Variants in PSD3 observed in about 807,000 individuals in gnomAD.
The protein encoded by PSD3 is pleckstrin and Sec7 domain containing 3.
Under a neutral mutation model 105.5 loss-of-function variants are expected in PSD3, and 49 were observed. The ratio of observed to expected loss-of-function variants is 0.46; its 90% CI spans 0.37 to 0.59. The LOEUF (loss-of-function observed/expected upper bound fraction) is 0.59, where lower values mean the gene tolerates loss of function less well. Among genes scored for constraint, PSD3 ranks in the 20% least tolerant of loss-of-function variants. PSD3 has a pLI of 0.00. For synonymous variants in PSD3, 557 were observed against 457.8 expected (o/e 1.22, Z -2.77); for missense variants, 1,561 against 1,263.8 (o/e 1.24, Z -3.57).
intron 4 of PSD3, among the ~76,000 whole-genome samples, chr8:18,840,442 A>T (rs1476240484): frequency 2.6e-5 from 4 of 152,228 alleles, no homozygotes; most frequent in African/African-American, 9.6e-5. Flanking sequence ...GGGATCTATC[A>T]TGAGCTTTCA....
At chr8:18,584,149 T>C (rs917222890) in intron 12 of PSD3, among the ~76,000 whole-genome samples, 1 of 152,208 alleles carries the variant, frequency 6.6e-6, no homozygotes, top group Non-Finnish European at 1.5e-5. Context: ...TAATAGAAGA[T>C]ACGAGACATT....
intron 1 of PSD3, among the ~76,000 whole-genome samples, chr8:19,068,395 T>C (rs1829146260): frequency 6.6e-6 from 1 of 151,900 alleles, no homozygotes; most frequent in Admixed American, 6.6e-5. Flanking sequence ...GCTTGAGAGA[T>C]CCTCCTGCCC....
intron 9 of PSD3, among the ~76,000 whole-genome samples, chr8:18,735,299 A>G (rs1222382456): frequency 6.6e-6 from 1 of 152,170 alleles, no homozygotes; most frequent in Admixed American, 6.5e-5. Context: ...AGATGAAAAA[A>G]ATTGGGAAAG....
At position 19,083,274 on chromosome 8, in the gene PSD3, G is replaced by C. The variant is rs184118467; in HGVS notation, c.324+932C>G. On this transcript the variant is annotated intron_variant, in intron 1 of 1. Coordinates refer to the PSD3 transcript ENST00000521475. ...AAGAAAGCTGAATGCATAATTTTAA[G>C]TTTTGTCCACCCAATTTGAGAACAG... 1.4e-4 allele frequency among the ~76,000 whole-genome samples: 21 copies of C among 152,334 alleles called. No homozygotes were observed. In the East Asian group the frequency reaches 3.9e-3, roughly 28 times the overall value.
intron 9 of PSD3, among the ~76,000 whole-genome samples, chr8:18,695,475 C>T (rs1375144197): frequency 6.6e-6 from 1 of 152,184 alleles, no homozygotes; most frequent in East Asian, 1.9e-4. Flanking sequence ...TGAAGGATTC[C>T]ATAGAACTGT....
chr8:18,778,179 G>T (rs577395636), intron 8 of PSD3, among the ~76,000 whole-genome samples: 11 of 152,126 alleles, frequency 7.2e-5, no homozygotes, highest in Non-Finnish European at 1.6e-4. Context: ...TGGATCGAAT[G>T]AAATTACTCC....
intron 11 of PSD3, among the ~76,000 whole-genome samples, chr8:18,632,186 T>G (rs1227426269): frequency 6.6e-6 from 1 of 152,056 alleles, no homozygotes; most frequent in African/African-American, 2.4e-5. Context: ...CCCTCCATCC[T>G]TTGTCTCTGG....
At chr8:19,067,498 G>A (rs982724589) in intron 1 of PSD3, among the ~76,000 whole-genome samples, 6 of 152,140 alleles carry the variant, frequency 3.9e-5, no homozygotes, top group South Asian at 2.1e-4. Flanking sequence ...CAAAAAAGTC[G>A]GGATCATAAC....
chr8:18,836,777 T>C lies in PSD3; in HGVS notation c.1634+30897A>G, dbSNP rs1364538034. Reference sequence around the variant, plus strand: ...TGACAATAATTGTTTTTCTGCCTTGTTTAGGAAATAATGACAAGAAAAAAA... The same window carrying C: ...TGACAATAATTGTTTTTCTGCCTTGCTTAGGAAATAATGACAAGAAAAAAA... On this transcript the variant is annotated intron_variant, in intron 4 of 15. Transcript: ENST00000327040. 2.0e-5 allele frequency among the ~76,000 whole-genome samples: 3 copies of C among 152,104 alleles called. No homozygotes were observed. In the East Asian group the frequency reaches 5.8e-4, roughly 29 times the overall value.
At chr8:18,679,142 T>G (rs1800239074) in intron 9 of PSD3, among the ~76,000 whole-genome samples, 1 of 152,344 alleles carries the variant, frequency 6.6e-6, no homozygotes, top group Non-Finnish European at 1.5e-5. Flanking sequence ...AGCCTTAGTC[T>G]AAAGAGCAAA....
In PSD3 at chr8:18,871,691, T is replaced by G; in HGVS notation, c.1173A>C (p.Glu391Asp). The change falls in exon 3 of 16, where the codon GAA (glutamate) becomes GAC (aspartate). Residue 391 changes from glutamate (E) to aspartate (D), a missense_variant. Glu to Asp is a conservative substitution (Grantham distance 45). Transcript: ENST00000327040. ...PVRLDESGED[E>D]VFLQENKQHL... ...GCTGTTTGTTTTCCTGTAGGAAGACTTCATCCTCTCCACTCTCATCAAGAC... is the reference window on the plus strand; with the variant it reads ...GCTGTTTGTTTTCCTGTAGGAAGACGTCATCCTCTCCACTCTCATCAAGAC... The G allele has an allele frequency of 1.9e-6, 3 of 1,614,088 alleles. No individual in the cohort carries two copies. The highest frequency in any genetic ancestry group is 2.2e-5 in the South Asian group (2 of 91,058).
chr8:18,947,321 G>A (rs1010391301), intron 1 of PSD3, among the ~76,000 whole-genome samples: 1 of 152,150 alleles, frequency 6.6e-6, no homozygotes, highest in Non-Finnish European at 1.5e-5. Flanking sequence ...AGCAAGCCTC[G>A]GTCCTCACCC....
chr8:18,733,747 T>G (rs1803940849), intron 9 of PSD3: 1 of 152,646 alleles, frequency 6.6e-6, no homozygotes. Flanking sequence ...GCAATTATCT[T>G]TCTTCCAGCT....
intron 8 of PSD3, among the ~76,000 whole-genome samples, chr8:18,796,576 A>G (rs1302488289): frequency 1.3e-5 from 2 of 152,216 alleles, no homozygotes; most frequent in Non-Finnish European, 2.9e-5. Context: ...GGCCAAACCA[A>G]GGCCCATATT....
rs1460285661 is a variant in PSD3, at chr8:18,535,160, C to G, written c.*583G>C. The G allele has an allele frequency of 1.3e-5, 2 of 153,266 alleles. No homozygotes were observed. Among genetic ancestry groups the G allele is most frequent in the African/African-American group, 4.8e-5 (2 of 41,458 alleles). 9.5% of individuals were successfully genotyped at this position (153,266 alleles called of 1,614,324 possible). Reference sequence around the variant, plus strand: ...ATCTTCACGCTTCTTTTCCCTGCTTCCAGCAGGGTCCGATCTCAACAACAA... The same window carrying G: ...ATCTTCACGCTTCTTTTCCCTGCTTGCAGCAGGGTCCGATCTCAACAACAA... On this transcript the variant is annotated 3_prime_UTR_variant, in exon 16 of 16. Transcript: ENST00000327040.
chr8:18,708,638 C>A (rs1251540141), intron 9 of PSD3, among the ~76,000 whole-genome samples: 2 of 151,972 alleles, frequency 1.3e-5, no homozygotes, highest in Non-Finnish European at 2.9e-5. Context: ...ATGCATAATA[C>A]CCTCTATTTT....
At chr8:18,704,331 T>A (rs960227276) in intron 9 of PSD3, among the ~76,000 whole-genome samples, 2 of 152,178 alleles carry the variant, frequency 1.3e-5, no homozygotes, top group African/African-American at 2.4e-5. Flanking sequence ...ACTCCGTGTA[T>A]AAAGGAAAAT....
At chr8:19,030,048 A>T (rs1160432758) in intron 1 of PSD3, among the ~76,000 whole-genome samples, 1 of 152,176 alleles carries the variant, frequency 6.6e-6, no homozygotes, top group African/African-American at 2.4e-5. Context: ...ATCCTTGCTT[A>T]GTTTCTGATC....
chr8:19,063,552 T>C (rs1828972561), intron 1 of PSD3, among the ~76,000 whole-genome samples: 1 of 152,154 alleles, frequency 6.6e-6, no homozygotes, highest in South Asian at 2.1e-4. Flanking sequence ...AGACAGGTAT[T>C]ACCATCCCTG....
Sources: allele counts gnomAD v4.1 joint callset (sites outside exome capture counted in the v4.1 genomes callset), GRCh38; gene constraint gnomAD v4.1.1; transcripts MANE v1.5; gene names NCBI Gene and HGNC (gene_info 2026-07-23, HGNC 2026-07-21).